IGSF21: variants seen among roughly 807,000 people sequenced by gnomAD.
IGSF21 encodes immunoglobin superfamily member 21, also known as immunoglobulin superfamily member 21.
Under a neutral mutation model 46.8 loss-of-function variants are expected in IGSF21, and 28 were observed. That is an observed-to-expected ratio of 0.60 (90% CI 0.44 to 0.82). The LOEUF (loss-of-function observed/expected upper bound fraction) is 0.82, where lower values mean the gene tolerates loss of function less well. IGSF21 is among the 40% of genes least tolerant of loss of function. The probability of loss-of-function intolerance (pLI) is 0.00; values close to 1 mark genes in which losing one functional copy is unlikely to be tolerated. For synonymous variants in IGSF21, 284 were observed against 273.6 expected (o/e 1.04, Z -0.38); for missense variants, 624 against 665.5 (o/e 0.94, Z 0.69).
At position 18,256,791 on chromosome 1, in the gene IGSF21, T is replaced by C. The variant is rs919501245; in HGVS notation, c.183+28781T>C. Reference sequence around the variant, plus strand: ...GAGGAGACATCCCAGCCGCAAATAATTTAATAAAGACTTTTCCATCCGCTA... The same window carrying C: ...GAGGAGACATCCCAGCCGCAAATAACTTAATAAAGACTTTTCCATCCGCTA... On this transcript the variant is annotated intron_variant, in intron 2 of 9. Transcript: ENST00000251296. Among the ~76,000 whole-genome samples, 3 of 152,192 alleles carry C rather than the reference T, an allele frequency of 2.0e-5. No homozygotes were observed. In the East Asian group the frequency reaches 5.8e-4, roughly 29 times the overall value.
chr1:18,279,107 G>A (rs2085133223), intron 2 of IGSF21, among the ~76,000 whole-genome samples: 1 of 152,186 alleles, frequency 6.6e-6, no homozygotes, highest in Non-Finnish European at 1.5e-5. Context: ...GGACGTGGCA[G>A]GAAGCAACTT....
chr1:18,192,010 G>T (rs954147861), intron 1 of IGSF21, among the ~76,000 whole-genome samples: 1 of 152,080 alleles, frequency 6.6e-6, no homozygotes, highest in East Asian at 1.9e-4. Flanking sequence ...CTGGGCCGGG[G>T]AGGGCTGCCA....
At chr1:18,268,579 G>A (rs115304883) in intron 2 of IGSF21, among the ~76,000 whole-genome samples, 176 of 152,312 alleles carry the variant, frequency 1.2e-3, no homozygotes, top group African/African-American at 3.8e-3. Flanking sequence ...ACTCAGGTGC[G>A]CGGTGAAACC....
At chr1:18,131,022 C>T (rs1221747918) in intron 1 of IGSF21, among the ~76,000 whole-genome samples, 1 of 152,226 alleles carries the variant, frequency 6.6e-6, no homozygotes, top group African/African-American at 2.4e-5. Flanking sequence ...CGGCTGAGGA[C>T]AGAGCCAGGC....
At chr1:18,261,492 C>A (rs384967) in intron 2 of IGSF21, among the ~76,000 whole-genome samples, 1 of 152,150 alleles carries the variant, frequency 6.6e-6, no homozygotes, top group Non-Finnish European at 1.5e-5. Context: ...GTGGCAATGA[C>A]CTGATGACCT....
Position 18,246,658 on chromosome 1 carries a change from T to C in IGSF21, c.183+18648T>C, listed in dbSNP as rs1422055349. 3.3e-5 allele frequency among the ~76,000 whole-genome samples: 5 copies of C among 152,288 alleles called. No homozygotes were observed. The East Asian group carries it at 9.7e-4, about 29-fold the overall frequency. On this transcript the variant is annotated intron_variant, in intron 2 of 9. Coordinates refer to ENST00000251296, the MANE Select transcript of IGSF21 (RefSeq NM_032880.5). ...GTGCTGTAATCTCCAAACTCCATGCTTGGGACATCTTTTATTAATTCACAC... is the reference window on the plus strand; with the variant it reads ...GTGCTGTAATCTCCAAACTCCATGCCTGGGACATCTTTTATTAATTCACAC...
At chr1:18,357,444 GTGGGC>G (rs1557658589) in intron 4 of IGSF21, among the ~76,000 whole-genome samples, 1 of 69,452 alleles carries the variant, frequency 1.4e-5, no homozygotes, top group East Asian at 6.5e-4. Context: ...GAGGGATGAG[GTGGGC>G]ATGGGGATGG....
Position 18,149,717 on chromosome 1 carries a change from T to C in IGSF21, c.70+41519T>C, listed in dbSNP as rs1252690681. Among the ~76,000 whole-genome samples the C allele has an allele frequency of 2.0e-5, 3 of 152,108 alleles. No individual in the cohort carries two copies. The East Asian group carries it at 5.8e-4, about 30-fold the overall frequency. On this transcript the variant is annotated intron_variant, in intron 1 of 9. Transcript: ENST00000251296. ...CCTTCGGGGCAGGATCAGCCTGGCT[T>C]CACTGATCCATCTCTAGACTCTGGC...
At chr1:18,253,681 A>T (rs2084863799) in intron 2 of IGSF21, among the ~76,000 whole-genome samples, 1 of 152,050 alleles carries the variant, frequency 6.6e-6, no homozygotes, top group Non-Finnish European at 1.5e-5. Flanking sequence ...GGATGGGGGG[A>T]GGTAGCATTT....
intron 4 of IGSF21, among the ~76,000 whole-genome samples, chr1:18,338,860 T>C (rs143502959): frequency 2.9e-4 from 44 of 150,702 alleles, no homozygotes; most frequent in African/African-American, 1.0e-3. Flanking sequence ...TACACAGTCA[T>C]GGAAGGATTT....
intron 3 of IGSF21, among the ~76,000 whole-genome samples, chr1:18,323,257 G>A (rs1460167302): frequency 6.6e-6 from 1 of 152,194 alleles, no homozygotes; most frequent in Non-Finnish European, 1.5e-5. Context: ...GAGTAAGGGA[G>A]CTTTCCATGG....
At position 18,227,931 on chromosome 1, in the gene IGSF21, C is replaced by G. The variant is rs767295536; in HGVS notation, c.104C>G (p.Pro35Arg). ...YLTVNIEPLP[P>R]VVAGDAVTLK... ...ACAGTCAACATTGAGCCTCTCCCCC[C>G]TGTGGTGGCTGGAGACGCCGTGACT... The change falls in exon 2 of 10, where the codon CCT becomes CGT. Residue 35 changes from proline to arginine, a missense_variant. Coordinates refer to ENST00000251296, the MANE Select transcript of IGSF21 (RefSeq NM_032880.5). 1.2e-6 allele frequency: 2 copies of G among 1,614,134 alleles called. No individual in the cohort carries two copies. The highest frequency in any genetic ancestry group is 1.1e-5 in the South Asian group (1 of 91,072).
chr1:18,258,559 C>T (rs2084913199), intron 2 of IGSF21, among the ~76,000 whole-genome samples: 1 of 152,142 alleles, frequency 6.6e-6, no homozygotes, highest in Non-Finnish European at 1.5e-5. Flanking sequence ...GCCTCAGTTT[C>T]CTTGTGTGTG....
At chr1:18,265,296 T>C (rs1249865887) in intron 2 of IGSF21, among the ~76,000 whole-genome samples, 2 of 152,212 alleles carry the variant, frequency 1.3e-5, no homozygotes, top group South Asian at 2.1e-4. Context: ...GTGTGATATA[T>C]TGAACAAGCC....
At chr1:18,264,102 T>C (rs2084969958) in intron 2 of IGSF21, among the ~76,000 whole-genome samples, 1 of 152,202 alleles carries the variant, frequency 6.6e-6, no homozygotes, top group Non-Finnish European at 1.5e-5. Flanking sequence ...GCCAAATAGT[T>C]CTTCAACTCA....
At chr1:18,182,229 T>C (rs1459209099) in intron 1 of IGSF21, among the ~76,000 whole-genome samples, 1 of 141,328 alleles carries the variant, frequency 7.1e-6, no homozygotes, top group African/African-American at 2.7e-5. Flanking sequence ...CAGGCTGGAG[T>C]GCAGTGGCGT....
At chr1:18,122,259 G>A (rs2086241830) in intron 1 of IGSF21, among the ~76,000 whole-genome samples, 1 of 131,942 alleles carries the variant, frequency 7.6e-6, no homozygotes, top group African/African-American at 2.8e-5. Flanking sequence ...GAATGCAGTG[G>A]TGCAATCTCG....
At chr1:18,263,426 G>A (rs148225664) in intron 2 of IGSF21, among the ~76,000 whole-genome samples, 124 of 150,556 alleles carry the variant, frequency 8.2e-4, no homozygotes, top group African/African-American at 2.6e-3. Context: ...GCAGTGTAAC[G>A]GGTCCAGTTT....
At chr1:18,259,084 G>A (rs2084917330) in intron 2 of IGSF21, among the ~76,000 whole-genome samples, 1 of 152,002 alleles carries the variant, frequency 6.6e-6, no homozygotes, top group Non-Finnish European at 1.5e-5. Context: ...GGGCCTTTAG[G>A]TGAATAAATA....
Sources: gnomAD v4.1 joint callset for allele counts (sites outside exome capture counted in the v4.1 genomes callset) on GRCh38, gnomAD v4.1.1 for gene constraint, MANE v1.5 for transcripts, NCBI Gene and HGNC (gene_info 2026-07-23, HGNC 2026-07-21) for gene names.